SLC12A3: variants seen among roughly 807,000 people sequenced by gnomAD.
The protein encoded by SLC12A3 is Na-Cl cotransporter.
SLC12A3 carries 104 observed loss-of-function variants against 121.0 expected under a neutral mutation model. The observed-to-expected ratio is 0.86, with a 90% CI of 0.73 to 1.01. The LOEUF is 1.01. Ranked by LOEUF, SLC12A3 falls within the 50% of genes least tolerant of loss-of-function variation. SLC12A3 has a pLI of 0.00. For synonymous variants in SLC12A3, 536 were observed against 533.4 expected (o/e 1.00, Z -0.07); for missense variants, 1,328 against 1,356.3 (o/e 0.98, Z 0.33).
At position 56,899,596 on chromosome 16, in the gene SLC12A3, C is replaced by T. The variant is rs1277999218; in HGVS notation, c.2700C>T (p.Asn900=). The change falls in exon 23 of 26, where the codon AAC becomes AAT. Residue 900 remains asparagine (N), a synonymous_variant. Transcript: ENST00000563236. The stretch of plus-strand genomic sequence containing the variant: ...AAGTCCACATCCTCCCTGACATCAA[C>T]CAGAACCCTCGGGCTGAGCAGTAAG... ...FHEVHILPDI[N]QNPRAEHTKR... is the part of the protein sequence containing the mutation. 1.2e-6 allele frequency: 2 copies of T among 1,613,982 alleles called. No individual in the cohort carries two copies. The highest frequency in any genetic ancestry group is 1.7e-4 in the Middle Eastern group (1 of 6,060).
Position 56,894,642 on chromosome 16 carries a change from CG to C in SLC12A3, c.2633+1del. On this transcript the variant is annotated splice_donor_variant, in intron 22 of 25. Coordinates refer to ENST00000563236, the MANE Select transcript of SLC12A3 (RefSeq NM_001126108.2). LOFTEE classifies it high-confidence loss of function. ...AACAGGATGGACCAGGAGAGAAAGG[CG>C]TAAGTGTGGAGGGCTGGCCTGGGGG... is the stretch of plus-strand genomic sequence containing the variant. The C allele has an allele frequency of 6.2e-7, 1 of 1,611,814 alleles. No homozygotes were observed. Among genetic ancestry groups the C allele is most frequent in the Non-Finnish European group, 8.5e-7 (1 of 1,178,020 alleles).
Position 56,913,608 on chromosome 16 carries a change from AT to A in SLC12A3, c.*204del. On this transcript the variant is annotated 3_prime_UTR_variant, in exon 26 of 26. Transcript: ENST00000563236. ...GACACATTCCCTGGGTCTTGTGTTTATAGGCTAGAGAAATAGCAGATGGAGC... is the reference window on the plus strand; with the variant it reads ...GACACATTCCCTGGGTCTTGTGTTTAAGGCTAGAGAAATAGCAGATGGAGC... 1.6e-6 allele frequency: 1 copy of A among 642,028 alleles called. No homozygotes were observed. Among genetic ancestry groups the A allele is most frequent in the Non-Finnish European group, 2.8e-6 (1 of 356,068 alleles). The allele number at this position is 642,028 out of a possible 1,614,324, so 39.8% of individuals were successfully genotyped here.
chr16:56,865,455 ACCCAGCCTGGTGAGC>A lies in SLC12A3; in HGVS notation c.224_238del (p.Gln75_Pro79del). The A allele has an allele frequency of 6.2e-7, 1 of 1,614,048 alleles. No homozygotes were observed. Among genetic ancestry groups the A allele is most frequent in the Non-Finnish European group, 8.5e-7 (1 of 1,180,028 alleles). ...CACATATGAGCACTATGCCAACAGC[ACCCAGCCTGGTGAGC>A]CCCGGAAGGTCCGGCCCACACTGGC... On this transcript the variant is annotated inframe_deletion, in exon 1 of 26. Transcript: ENST00000563236.
chr16:56,866,216 C>T (rs1454268561), intron 1 of SLC12A3, among the ~76,000 whole-genome samples: 1 of 152,012 alleles, frequency 6.6e-6, no homozygotes, highest in African/African-American at 2.4e-5. Flanking sequence ...GAACTCCTGA[C>T]CTCAAAGGAT....
chr16:56,902,956 AC>A (rs1481477494), intron 24 of SLC12A3, among the ~76,000 whole-genome samples: 1 of 151,798 alleles, frequency 6.6e-6, no homozygotes, highest in African/African-American at 2.4e-5. Context: ...GACCAGCCTG[AC>A]CAACATGGTG....
At chr16:56,889,204 C>T (rs913452959) in intron 18 of SLC12A3, among the ~76,000 whole-genome samples, 1 of 152,234 alleles carries the variant, frequency 6.6e-6, no homozygotes, top group African/African-American at 2.4e-5. Flanking sequence ...CTGTAGGACT[C>T]GGAGCAATCC....
chr16:56,868,369 A>T lies in SLC12A3; in HGVS notation c.502A>T (p.Ile168Phe). Residue 168 changes from isoleucine (I) to phenylalanine (F), a missense_variant, in exon 3 of 26, where the codon ATC (isoleucine) becomes TTC (phenylalanine). Transcript: ENST00000563236. ...RLPWITAQAGIVLTWIIILLS... is the reference protein window; with the variant it reads ...RLPWITAQAGFVLTWIIILLS... ...GCCCTGGATTACGGCCCAGGCAGGC[A>T]TCGGTGAGTGCCCCTCTGGGGAAGA... 1 of 1,612,370 alleles carries T rather than the reference A, an allele frequency of 6.2e-7. No individual in the cohort carries two copies. The highest frequency in any genetic ancestry group is 8.5e-7 in the Non-Finnish European group (1 of 1,179,376).
chr16:56,873,934 T>A (rs79683238), intron 8 of SLC12A3, among the ~76,000 whole-genome samples: 1 of 151,902 alleles, frequency 6.6e-6, no homozygotes, highest in Non-Finnish European at 1.5e-5. Context: ...CTGGTCTCGA[T>A]CTCCTGACCT....
In SLC12A3 at chr16:56,904,410, A is replaced by T. The variant is rs773428143; in HGVS notation, c.2872A>T (p.Arg958Trp). The change falls in exon 25 of 26, where the codon AGG becomes TGG. Residue 958 changes from arginine (R) to tryptophan (W), a missense_variant. Arg to Trp is a moderately radical substitution (Grantham distance 101). Transcript: ENST00000563236. The part of the protein sequence containing the change: ...KNRVKSLRQV[R>W]LNEIVLDYSR... Reference sequence around the variant, plus strand: ...TCCCGCCCAGTCCCTTCGGCAGGTGAGGCTGAATGAGATTGTGCTGGATTA... The same window carrying T: ...TCCCGCCCAGTCCCTTCGGCAGGTGTGGCTGAATGAGATTGTGCTGGATTA... 9 of 1,613,958 alleles carry T rather than the reference A, an allele frequency of 5.6e-6. No homozygotes were observed. Among genetic ancestry groups the T allele is most frequent in the Non-Finnish European group, 6.8e-6 (8 of 1,179,824 alleles).
At chr16:56,894,388 G>A in intron 21 of SLC12A3, 143 bp from the exon 22 acceptor site, 1 of 694,042 alleles carries the variant, frequency 1.4e-6, no homozygotes. Context: ...AATTCAGTCA[G>A]CCATGTTCAT....
intron 8 of SLC12A3, among the ~76,000 whole-genome samples, chr16:56,875,098 A>G (rs1172000709): frequency 6.6e-6 from 1 of 151,998 alleles, no homozygotes; most frequent in African/African-American, 2.4e-5. Flanking sequence ...TAGGTTACCA[A>G]CCAGCAGGCG....
At chr16:56,869,897 C>A in intron 4 of SLC12A3, 73 bp downstream of exon 4, 1 of 1,457,154 alleles carries the variant, frequency 6.9e-7, no homozygotes. Context: ...CTCCCAACTT[C>A]CCCAACCCAA....
At chr16:56,902,531 G>GGGTGCC in intron 24 of SLC12A3, 23 bp downstream of exon 24, 2 of 714,544 alleles carry the variant, frequency 2.8e-6, no homozygotes, top group Non-Finnish European at 4.8e-6. Flanking sequence ...GTGGGGGTGG[G>GGGTGCC]AAACGCGACA....
chr16:56,877,105 C>A (rs1198875207), intron 8 of SLC12A3, among the ~76,000 whole-genome samples: 1 of 152,130 alleles, frequency 6.6e-6, no homozygotes, highest in African/African-American at 2.4e-5. Flanking sequence ...TAAGAAAATA[C>A]GAGCGGCCGG....
At chr16:56,875,866 C>A (rs978201091) in intron 8 of SLC12A3, among the ~76,000 whole-genome samples, 1 of 151,392 alleles carries the variant, frequency 6.6e-6, no homozygotes, top group Non-Finnish European at 1.5e-5. Flanking sequence ...CAGCTCACCT[C>A]TTCTCTGCTT....
intron 1 of SLC12A3, 24 bp downstream of exon 1, chr16:56,865,541 G>T: frequency 2.5e-6 from 4 of 1,607,048 alleles, no homozygotes; most frequent in Non-Finnish European, 3.4e-6. Context: ...CAGAAGACTG[G>T]CCACTTCCCT....
At chr16:56,901,347 C>CTTTTTTTTTTTTTTTTTT (rs113592874) in intron 23 of SLC12A3, among the ~76,000 whole-genome samples, 4 of 128,902 alleles carry the variant, frequency 3.1e-5, no homozygotes, top group African/African-American at 1.3e-4. Context: ...CTCTCTCTCT[C>CTTTTTTTTTTTTTTTTTT]TTTTTTTTTT....
chr16:56,914,085 T>A lies in SLC12A3; in HGVS notation c.*680T>A, dbSNP rs2055722401. 1 of 152,246 alleles carries A rather than the reference T, an allele frequency of 6.6e-6. No homozygotes were observed. Among genetic ancestry groups the A allele is most frequent in the Admixed American group, 6.5e-5 (1 of 15,274 alleles). 9.4% of individuals were successfully genotyped at this position (152,246 alleles called of 1,614,324 possible). ...CCATCACACGAGCTAATTTTTGTAT[T>A]TTTAGTAGAGATGGGGTTTCACCAT... On this transcript the variant is annotated 3_prime_UTR_variant, in exon 26 of 26. Coordinates refer to ENST00000563236, the MANE Select transcript of SLC12A3 (RefSeq NM_001126108.2).
Position 56,913,492 on chromosome 16 carries a change from C to T in SLC12A3, c.*87C>T. ...GCCTCTAGTCCACAGGGATGAGACT[C>T]ATGTTCTGTTGCACTTTAAGTGGCA... is the stretch of plus-strand genomic sequence containing the variant. On this transcript the variant is annotated 3_prime_UTR_variant, in exon 26 of 26. Transcript: ENST00000563236. The T allele has an allele frequency of 1.5e-6, 2 of 1,330,780 alleles. No individual in the cohort carries two copies. Among genetic ancestry groups the T allele is most frequent in the South Asian group, 2.4e-5 (2 of 85,078 alleles). 82.4% of individuals were successfully genotyped at this position (1,330,780 alleles called of 1,614,324 possible).
Sources: allele counts gnomAD v4.1 joint callset (sites outside exome capture counted in the v4.1 genomes callset), GRCh38; gene constraint gnomAD v4.1.1; transcripts MANE v1.5; gene names NCBI Gene and HGNC (gene_info 2026-07-23, HGNC 2026-07-21).